POM121: variants seen among roughly 807,000 people sequenced by gnomAD.
POM121 encodes the protein POM121 transmembrane nucleoporin.
POM121 carries 32 observed loss-of-function variants against 81.3 expected under a neutral mutation model. The observed-to-expected ratio is 0.39, with a 90% CI of 0.30 to 0.53. The LOEUF (loss-of-function observed/expected upper bound fraction) is 0.53, where lower values mean the gene tolerates loss of function less well. Among genes scored for constraint, POM121 ranks in the 20% least tolerant of loss-of-function variants. The pLI is 0.66. For synonymous variants in POM121, 514 were observed against 694.2 expected, an observed-to-expected ratio of 0.74 and a Z score of 4.08; for missense variants, 1,138 against 1,614.6, an observed-to-expected ratio of 0.70 and a Z score of 5.06.
chr7:72,926,780 A>G (rs781962306), intron 2 of POM121, 22 bp from the exon 3 acceptor site: 1 of 1,610,478 alleles, frequency 6.2e-7, no homozygotes, highest in African/African-American at 1.3e-5. Flanking sequence ...TCTTACAGCT[A>G]GAATCTTGTC....
chr7:72,911,115 C>T (rs1366374909), intron 3 of POM121, among the ~76,000 whole-genome samples: 5 of 152,214 alleles, frequency 3.3e-5, no homozygotes, highest in African/African-American at 9.6e-5. Context: ...TCCCTAGTAG[C>T]TGGGATTACT....
chr7:72,928,204 C>G (rs1352927305), intron 3 of POM121, among the ~76,000 whole-genome samples, 181 bp from the exon 4 acceptor site: 10 of 151,812 alleles, frequency 6.6e-5, no homozygotes, highest in African/African-American at 2.4e-4. Flanking sequence ...GAGCGAAACT[C>G]TGTCTGAAAA....
At chr7:72,943,544 G>A (rs1554502528) in intron 11 of POM121, 22 bp downstream of exon 11, 1 of 1,607,858 alleles carries the variant, frequency 6.2e-7, no homozygotes, top group East Asian at 2.2e-5. Flanking sequence ...CGTGGACTTG[G>A]GCTACCGGGC....
chr7:72,894,044 G>A (rs1554491286), intron 3 of POM121, among the ~76,000 whole-genome samples: 1 of 152,152 alleles, frequency 6.6e-6, no homozygotes. Flanking sequence ...GGCTGAGGCG[G>A]GTGGATCACT....
Position 72,925,103 on chromosome 7 carries a change from T to C in POM121, c.-19T>C, listed in dbSNP as rs540524268. The C allele has an allele frequency of 5.0e-6, 7 of 1,397,408 alleles. No homozygotes were observed. The highest frequency in any genetic ancestry group is 3.8e-5 in the Admixed American group (1 of 26,494). 86.6% of individuals were successfully genotyped at this position (1,397,408 alleles called of 1,614,324 possible). The stretch of plus-strand genomic sequence containing the variant: ...TGCACGCTGGGATATTTAAGTCTCC[T>C]CCGCGGCGCGGAGCCGCGATGTCTC... On this transcript the variant is annotated 5_prime_UTR_variant, in exon 1 of 13. Coordinates refer to ENST00000434423, the MANE Select transcript of POM121 (RefSeq NM_001387691.1).
Position 72,942,924 on chromosome 7 carries a change from G to T in POM121, c.2931G>T (p.Gly977=). The change falls in exon 11 of 13, where the codon GGG becomes GGT. Residue 977 remains glycine (G), a synonymous_variant. Transcript: ENST00000434423. The stretch of plus-strand genomic sequence containing the variant: ...AGCCCGCATTTGGGGCCGCTGAGGG[G>T]CAGCCACCGGGGGCCGCCAAGCCGG... The part of the protein sequence containing the change: ...NPQPAFGAAE[G]QPPGAAKPAL... 1 of 1,602,362 alleles carries T rather than the reference G, an allele frequency of 6.2e-7. No individual in the cohort carries two copies. Among genetic ancestry groups the T allele is most frequent in the Non-Finnish European group, 8.5e-7 (1 of 1,174,784 alleles).
At chr7:72,881,458 C>T (rs1790150705) in intron 1 of POM121, among the ~76,000 whole-genome samples, 1 of 150,278 alleles carries the variant, frequency 6.7e-6, no homozygotes, top group African/African-American at 2.5e-5. Context: ...AGGCCGGAGC[C>T]CTCATGACTT....
intron 1 of POM121, among the ~76,000 whole-genome samples, chr7:72,889,667 C>T (rs1288575347): frequency 6.6e-6 from 1 of 152,182 alleles, no homozygotes; most frequent in Non-Finnish European, 1.5e-5. Flanking sequence ...CCATGATGCC[C>T]AGCCAATTTT....
intron 3 of POM121, among the ~76,000 whole-genome samples, chr7:72,911,377 T>A (rs1321238693): frequency 2.0e-5 from 3 of 152,216 alleles, no homozygotes; most frequent in African/African-American, 7.2e-5. Flanking sequence ...GGAAACAACA[T>A]TTGGCATTGA....
intron 3 of POM121, among the ~76,000 whole-genome samples, chr7:72,909,215 T>C (rs1216487949): frequency 1.3e-5 from 2 of 152,200 alleles, no homozygotes; most frequent in Non-Finnish European, 2.9e-5. Context: ...AGTGAGACTT[T>C]ATATTTTTCA....
chr7:72,914,653 C>T (rs1180791229), intron 4 of POM121, among the ~76,000 whole-genome samples: 4 of 152,214 alleles, frequency 2.6e-5, no homozygotes, highest in African/African-American at 9.6e-5. Context: ...GGAGCACAGG[C>T]GTGAGCCACC....
At chr7:72,898,363 G>A (rs1163151497) in intron 3 of POM121, among the ~76,000 whole-genome samples, 1 of 152,144 alleles carries the variant, frequency 6.6e-6, no homozygotes, top group Non-Finnish European at 1.5e-5. Context: ...CAAAGTGTTG[G>A]GATTATAGGC....
chr7:72,938,484 T>A, intron 5 of POM121, 106 bp from the exon 6 acceptor site: 1 of 1,326,714 alleles, frequency 7.5e-7, no homozygotes, highest in East Asian at 2.3e-5. Flanking sequence ...ACTAACCATT[T>A]AACCATAAAG....
intron 3 of POM121, among the ~76,000 whole-genome samples, chr7:72,899,900 A>G (rs1349994506): frequency 7.1e-6 from 1 of 141,162 alleles, no homozygotes; most frequent in East Asian, 2.2e-4. Context: ...ATTTAAACGT[A>G]CTTGAGCACC....
At chr7:72,895,507 A>C (rs797027234) in intron 3 of POM121, among the ~76,000 whole-genome samples, 3 of 152,216 alleles carry the variant, frequency 2.0e-5, no homozygotes, top group African/African-American at 7.2e-5. Context: ...TCTGTACTTT[A>C]AGTATTAGCT....
chr7:72,933,313 A>C (rs540877676), intron 5 of POM121, among the ~76,000 whole-genome samples: 11 of 152,312 alleles, frequency 7.2e-5, no homozygotes, highest in Non-Finnish European at 1.6e-4. Flanking sequence ...AGCTCACGCC[A>C]CTGCCCTCCA....
intron 3 of POM121, among the ~76,000 whole-genome samples, chr7:72,904,593 C>T (rs536779542): frequency 1.1e-3 from 162 of 152,316 alleles, no homozygotes; most frequent in Non-Finnish European, 2.0e-3. Flanking sequence ...CTGCCATCTT[C>T]AAGGCTCCCA....
rs1554502975 is a variant in POM121, at chr7:72,945,579, A to C, written c.3530-7A>C. 1.9e-6 allele frequency: 3 copies of C among 1,613,248 alleles called. No homozygotes were observed. In the South Asian group the frequency reaches 3.3e-5, roughly 18 times the overall value. ...CACTGGCCAGCTCTCTGTTCTCTTC[A>C]TTCCAGGCACCGCCACCCCCACCTT... On this transcript the variant is annotated splice_region_variant and splice_polypyrimidine_tract_variant and intron_variant, in intron 11 of 12. Transcript: ENST00000434423.
chr7:72,890,747 T>A (rs1330183224), exon 2 of POM121: 30 of 1,601,364 alleles, frequency 1.9e-5, no homozygotes, highest in Non-Finnish European at 2.6e-5. Flanking sequence ...CCATCTAGTT[T>A]CCCTGGGTGA....
Sources: allele counts gnomAD v4.1 joint callset (sites outside exome capture counted in the v4.1 genomes callset), GRCh38; gene constraint gnomAD v4.1.1; transcripts MANE v1.5; gene names NCBI Gene and HGNC (gene_info 2026-07-23, HGNC 2026-07-21).